The following TRPC4 variants were observed in gnomAD, a reference collection of about 807,000 sequenced individuals.
The protein encoded by TRPC4 is short transient receptor potential channel 4.
A neutral mutation model predicts 99.4 loss-of-function variants in TRPC4; 49 were observed. The ratio of observed to expected loss-of-function variants is 0.49; its 90% CI spans 0.39 to 0.63. TRPC4 has a LOEUF of 0.63. Ranked by LOEUF, TRPC4 falls within the 20% of genes least tolerant of loss-of-function variation. The pLI, the probability that TRPC4 is intolerant of heterozygous loss-of-function variation, is 0.00. For synonymous variants in TRPC4, 454 were observed against 425.9 expected (o/e 1.07, Z -0.81); for missense variants, 898 against 1,152.9 (o/e 0.78, Z 3.20).
At chr13:37,802,826 T>C (rs1034824720) in intron 1 of TRPC4, among the ~76,000 whole-genome samples, 6 of 152,162 alleles carry the variant, frequency 3.9e-5, no homozygotes, top group African/African-American at 1.4e-4. Flanking sequence ...CTTACAGTTT[T>C]GCCCACTGAT....
intron 2 of TRPC4, among the ~76,000 whole-genome samples, chr13:37,752,140 T>C (rs937061387): frequency 2.9e-5 from 4 of 135,902 alleles, no homozygotes; most frequent in African/African-American, 1.1e-4. Flanking sequence ...AAATCTGCTA[T>C]GAGCCCTAGA....
chr13:37,660,496 G>C (rs1952397588), intron 6 of TRPC4, among the ~76,000 whole-genome samples: 1 of 152,082 alleles, frequency 6.6e-6, no homozygotes, highest in Non-Finnish European at 1.5e-5. Context: ...CTTCTTTTAG[G>C]TTTACTTGGA....
chr13:37,703,374 C>T (rs978156), intron 3 of TRPC4, among the ~76,000 whole-genome samples: 49,605 of 151,954 alleles, frequency 0.33, 8,872 homozygotes, highest in Middle Eastern at 0.43. Flanking sequence ...AACTCTTCTC[C>T]ATCCATTCAT....
intron 3 of TRPC4, among the ~76,000 whole-genome samples, chr13:37,693,735 T>G (rs936779116): frequency 8.5e-5 from 13 of 152,220 alleles, no homozygotes; most frequent in Admixed American, 2.6e-4. Context: ...AACAATGGTT[T>G]TTCATGCAAC....
At chr13:37,813,384 T>C (rs947381438) in intron 1 of TRPC4, among the ~76,000 whole-genome samples, 6 of 151,700 alleles carry the variant, frequency 4.0e-5, no homozygotes, top group African/African-American at 1.4e-4. Flanking sequence ...AGAAATAATA[T>C]ATATTACAGT....
chr13:37,812,953 G>A (rs1957745602), intron 1 of TRPC4, among the ~76,000 whole-genome samples: 1 of 151,576 alleles, frequency 6.6e-6, no homozygotes, highest in African/African-American at 2.4e-5. Flanking sequence ...ACTTCTCATT[G>A]GAAAAACACT....
intron 6 of TRPC4, among the ~76,000 whole-genome samples, chr13:37,659,576 C>A (rs1162878646): frequency 6.6e-6 from 1 of 152,110 alleles, no homozygotes; most frequent in Admixed American, 6.6e-5. Flanking sequence ...GTGGCAGTAT[C>A]CTGTAAGAAA....
In TRPC4 at chr13:37,697,302, A is replaced by G. The variant is rs147959843; in HGVS notation, c.898-4967T>C. Among the ~76,000 whole-genome samples the G allele has an allele frequency of 6.4e-4, 98 of 152,302 alleles. 1 individual carries two copies. The highest frequency in any genetic ancestry group is 2.2e-3 in the African/African-American group (92 of 41,586). On this transcript the variant is annotated intron_variant, in intron 3 of 10. Coordinates refer to ENST00000379705, the MANE Select transcript of TRPC4 (RefSeq NM_016179.4). The stretch of plus-strand genomic sequence containing the variant: ...ATTATGTAACTGGATAACTTCATAC[A>G]GAGCATTAGATAACTTGTTAAAAAG...
chr13:37,809,358 G>A (rs9576358), intron 1 of TRPC4, among the ~76,000 whole-genome samples: 43,871 of 151,584 alleles, frequency 0.29, 6,553 homozygotes, highest in East Asian at 0.43. Context: ...TCCTTATCCC[G>A]TAGTTGTTGT....
chr13:37,826,992 A>T (rs1345527897), intron 1 of TRPC4, among the ~76,000 whole-genome samples: 1 of 151,738 alleles, frequency 6.6e-6, no homozygotes, highest in Non-Finnish European at 1.5e-5. Context: ...TTTTTTCTCT[A>T]AACTTCCCTT....
chr13:37,818,990 A>C (rs9576369), intron 1 of TRPC4, among the ~76,000 whole-genome samples: 1 of 151,690 alleles, frequency 6.6e-6, no homozygotes, highest in East Asian at 1.9e-4. Context: ...ATGAAAAAAA[A>C]TTTTTAAAAA....
rs267603816 is a variant in TRPC4 at position 37,663,710 on chromosome 13, C to T, written c.1394G>A (p.Arg465Gln). 8 of 1,613,568 alleles carry T rather than the reference C, an allele frequency of 5.0e-6. No individual in the cohort carries two copies. The highest frequency in any genetic ancestry group is 6.8e-6 in the Non-Finnish European group (8 of 1,179,842). The change falls in exon 6 of 11, where the codon CGA becomes CAA. Residue 465 changes from arginine to glutamine, a missense_variant. Transcript: ENST00000379705. ...AFVKYSALNPRESWDMWHPTL... is the reference protein window; with the variant it reads ...AFVKYSALNPQESWDMWHPTL... ...GGGATGCCACATGTCCCATGATTCT[C>T]GTGGATTAAGGGCACTGTACTGGAA...
chr13:37,714,616 A>T (rs777982665), intron 3 of TRPC4, among the ~76,000 whole-genome samples: 1 of 152,148 alleles, frequency 6.6e-6, no homozygotes, highest in Non-Finnish European at 1.5e-5. Context: ...ACCTCTGCCT[A>T]CTACTCTTTA....
At chr13:37,746,599 T>C in intron 2 of TRPC4, 144 bp from the exon 3 acceptor site, 2 of 854,224 alleles carry the variant, frequency 2.3e-6, no homozygotes, top group Non-Finnish European at 1.6e-6. Flanking sequence ...GATATGGTCT[T>C]TTCCCCTACA....
intron 1 of TRPC4, among the ~76,000 whole-genome samples, chr13:37,785,733 T>C (rs1956954247): frequency 6.6e-6 from 1 of 152,062 alleles, no homozygotes; most frequent in South Asian, 2.1e-4. Context: ...AATAATACTA[T>C]CAAATAAAGA....
In TRPC4 at chr13:37,663,405, A is replaced by G. The variant is rs1456364455; in HGVS notation, c.1688+11T>C. ...TACAACATTACCAGTAGAAATGTCT[A>G]TTAGACTTACGTTGAAAATGCATTA... On this transcript the variant is annotated intron_variant, in intron 6 of 10. Transcript: ENST00000379705. 1.9e-6 allele frequency: 3 copies of G among 1,605,272 alleles called. No homozygotes were observed. Among genetic ancestry groups the G allele is most frequent in the Non-Finnish European group, 2.6e-6 (3 of 1,175,454 alleles).
chr13:37,733,100 T>C (rs1242698100), intron 3 of TRPC4, among the ~76,000 whole-genome samples: 2 of 152,106 alleles, frequency 1.3e-5, no homozygotes, highest in African/African-American at 4.8e-5. Context: ...TGGCAAAACC[T>C]TGTCTTTACA....
chr13:37,786,419 G>C (rs946366663), intron 1 of TRPC4, among the ~76,000 whole-genome samples: 2 of 151,624 alleles, frequency 1.3e-5, no homozygotes, highest in Non-Finnish European at 2.9e-5. Context: ...TAATTTTTCA[G>C]CACATGGGCT....
In TRPC4 at chr13:37,780,606, G is replaced by A. The variant is rs191518581; in HGVS notation, c.378+2350C>T. 9.9e-5 allele frequency among the ~76,000 whole-genome samples: 15 copies of A among 152,210 alleles called. No homozygotes were observed. The East Asian group carries it at 1.9e-3, about 20-fold the overall frequency. On this transcript the variant is annotated intron_variant, in intron 2 of 10. Transcript: ENST00000379705. ...TACAACACAGTGATTTATGAAAACT[G>A]TCATTCCAAAAGATGTTGACCTTCC...
Sources: gnomAD v4.1 joint callset for allele counts (sites outside exome capture counted in the v4.1 genomes callset) on GRCh38, gnomAD v4.1.1 for gene constraint, MANE v1.5 for transcripts, NCBI Gene and HGNC (gene_info 2026-07-23, HGNC 2026-07-21) for gene names.